The following CACNB4 variants were observed in gnomAD, a reference collection of about 807,000 sequenced individuals.
CACNB4 encodes the protein calcium voltage-gated channel auxiliary subunit beta 4, also known as voltage-dependent L-type calcium channel subunit beta-4.
CACNB4 carries 32 observed loss-of-function variants against 71.2 expected under a neutral mutation model. The ratio of observed to expected loss-of-function variants is 0.45; its 90% CI spans 0.34 to 0.60. The LOEUF (loss-of-function observed/expected upper bound fraction) is 0.60, where lower values mean the gene tolerates loss of function less well. Ranked by LOEUF, CACNB4 falls within the 20% of genes least tolerant of loss-of-function variation. CACNB4 has a pLI of 0.01. For synonymous variants in CACNB4, 231 were observed against 236.9 expected (o/e 0.97, Z 0.23); for missense variants, 464 against 647.9 (o/e 0.72, Z 3.08).
At chr2:152,043,486 T>A (rs911822718) in intron 2 of CACNB4, among the ~76,000 whole-genome samples, 26 of 152,252 alleles carry the variant, frequency 1.7e-4, no homozygotes, top group African/African-American at 6.3e-4. Flanking sequence ...CATACCTGCA[T>A]AATTTTTAAA....
chr2:151,859,761 A>G (rs2099841173), intron 10 of CACNB4: 1 of 152,216 alleles, frequency 6.6e-6, no homozygotes, highest in African/African-American at 2.4e-5. Flanking sequence ...AGCAATTATC[A>G]CATGCCAATC....
chr2:151,964,749 T>C (rs575543181), intron 2 of CACNB4, among the ~76,000 whole-genome samples: 1 of 152,334 alleles, frequency 6.6e-6, no homozygotes, highest in Admixed American at 6.5e-5. Flanking sequence ...TCTAGGAATA[T>C]GCATTATGTT....
intron 2 of CACNB4, among the ~76,000 whole-genome samples, chr2:151,892,367 TAA>T (rs201052921): frequency 4.3e-5 from 6 of 139,894 alleles, no homozygotes; most frequent in East Asian, 2.0e-4. Context: ...ACTTGTGTCT[TAA>T]AAAAAAAAAA....
chr2:151,876,876 T>A (rs2099846492), intron 4 of CACNB4, among the ~76,000 whole-genome samples: 1 of 117,398 alleles, frequency 8.5e-6, no homozygotes, highest in Non-Finnish European at 1.9e-5. Flanking sequence ...TATACTATAT[T>A]ATACTATACA....
chr2:152,051,199 C>T (rs1685411934), intron 2 of CACNB4, among the ~76,000 whole-genome samples: 2 of 152,250 alleles, frequency 1.3e-5, no homozygotes, highest in South Asian at 4.1e-4. Flanking sequence ...CCTTGACCGC[C>T]CCCCATCCCT....
chr2:151,881,317 A>G (rs1377049542), intron 3 of CACNB4, among the ~76,000 whole-genome samples: 1 of 151,946 alleles, frequency 6.6e-6, no homozygotes, highest in Non-Finnish European at 1.5e-5. Context: ...AAAAAAAAAA[A>G]GGTGGGAAGA....
chr2:151,842,805 C>G (rs895391928), intron 12 of CACNB4, among the ~76,000 whole-genome samples: 1 of 152,092 alleles, frequency 6.6e-6, no homozygotes, highest in Non-Finnish European at 1.5e-5. Context: ...GAAGGGAGTT[C>G]TAGACATGTT....
chr2:151,984,571 G>A (rs1560109305), intron 2 of CACNB4, among the ~76,000 whole-genome samples: 1 of 152,128 alleles, frequency 6.6e-6, no homozygotes, highest in African/African-American at 2.4e-5. Context: ...AAAGTTTGGG[G>A]AGAAGAACAA....
At chr2:151,842,143 A>C in intron 12 of CACNB4, 55 bp from the exon 13 acceptor site, 1 of 1,477,878 alleles carries the variant, frequency 6.8e-7, no homozygotes, top group African/African-American at 1.4e-5. Context: ...AGGCAATGAA[A>C]CCTAAAATTC....
chr2:152,025,503 T>C (rs1002128650), intron 2 of CACNB4, among the ~76,000 whole-genome samples: 5 of 152,176 alleles, frequency 3.3e-5, no homozygotes, highest in Admixed American at 1.3e-4. Flanking sequence ...AAGACAAATA[T>C]GCATTGTGCC....
intron 2 of CACNB4, among the ~76,000 whole-genome samples, chr2:152,009,464 G>A (rs560443685): frequency 6.6e-6 from 1 of 152,140 alleles, no homozygotes; most frequent in Non-Finnish European, 1.5e-5. Context: ...TCAGTTTACC[G>A]ATGGTGACAA....
intron 5 of CACNB4, chr2:151,874,805 T>A (rs1396743655): frequency 2.5e-6 from 1 of 393,430 alleles, no homozygotes; most frequent in East Asian, 3.6e-5. Flanking sequence ...ACATGCAGAC[T>A]CAGGATGATT....
At chr2:151,921,561 A>G (rs1201702868) in intron 2 of CACNB4, among the ~76,000 whole-genome samples, 2 of 152,162 alleles carry the variant, frequency 1.3e-5, no homozygotes, top group Admixed American at 6.5e-5. Context: ...TTCCTTCTGG[A>G]GGCTCTAAGG....
At chr2:152,092,612 A>G (rs900407850) in intron 2 of CACNB4, among the ~76,000 whole-genome samples, 1 of 152,010 alleles carries the variant, frequency 6.6e-6, no homozygotes, top group African/African-American at 2.4e-5. Context: ...TTATTCTGTA[A>G]CTTACTTTTT....
At chr2:151,956,226 T>C (rs1452188927) in intron 2 of CACNB4, among the ~76,000 whole-genome samples, 1 of 152,240 alleles carries the variant, frequency 6.6e-6, no homozygotes, top group Non-Finnish European at 1.5e-5. Context: ...GATCCACACA[T>C]ACCCAAGAAC....
chr2:152,076,755 T>C (rs1687054526), intron 2 of CACNB4, among the ~76,000 whole-genome samples: 1 of 152,206 alleles, frequency 6.6e-6, no homozygotes, highest in Admixed American at 6.5e-5. Flanking sequence ...TTCTGTTCAA[T>C]TTTCAGTTAA....
rs2099834890 is a variant in CACNB4 at position 151,836,379 on chromosome 2, C to A, written c.*2740G>T. On this transcript the variant is annotated 3_prime_UTR_variant, in exon 14 of 14. Coordinates refer to ENST00000539935, the MANE Select transcript of CACNB4 (RefSeq NM_000726.5). Reference sequence around the variant, plus strand: ...TTTCAAAGGTGCTTGGTGTGCTTGGCAAAAATAAAACTTTTCATTTAGTAT... The same window carrying A: ...TTTCAAAGGTGCTTGGTGTGCTTGGAAAAAATAAAACTTTTCATTTAGTAT... The A allele has an allele frequency of 6.6e-6, 1 of 151,438 alleles. No individual in the cohort carries two copies. The highest frequency in any genetic ancestry group is 2.4e-5 in the African/African-American group (1 of 41,270). 9.4% of individuals were successfully genotyped at this position (151,438 alleles called of 1,614,324 possible).
chr2:152,039,574 A>G (rs16830656), intron 2 of CACNB4, among the ~76,000 whole-genome samples: 6,845 of 152,256 alleles, frequency 0.045, 504 homozygotes, highest in African/African-American at 0.16. Flanking sequence ...GTTTTATCTT[A>G]CATTTCCAAC....
intron 2 of CACNB4, among the ~76,000 whole-genome samples, chr2:152,053,522 ATTTT>A (rs200394309): frequency 1.5e-5 from 2 of 137,928 alleles, no homozygotes; most frequent in Non-Finnish European, 3.1e-5. Context: ...TGCTCTAGGA[ATTTT>A]TTTTTTTTTT....
Sources: allele counts gnomAD v4.1 joint callset (sites outside exome capture counted in the v4.1 genomes callset), GRCh38; gene constraint gnomAD v4.1.1; transcripts MANE v1.5; gene names NCBI Gene and HGNC (gene_info 2026-07-23, HGNC 2026-07-21).